The following DAB1 variants were observed in gnomAD, a reference collection of about 807,000 sequenced individuals.
The protein encoded by DAB1 is DAB adaptor protein 1.
Under a neutral mutation model 64.6 loss-of-function variants are expected in DAB1, and 15 were observed. That is an observed-to-expected ratio of 0.23 (90% CI 0.16 to 0.36). The LOEUF (loss-of-function observed/expected upper bound fraction) is 0.36. Among genes scored for constraint, DAB1 ranks in the 10% least tolerant of loss-of-function variants. The probability of loss-of-function intolerance (pLI) is 1.00; values close to 1 mark genes in which losing one functional copy is unlikely to be tolerated. For synonymous variants in DAB1, 235 were observed against 251.9 expected (o/e 0.93, Z 0.64); for missense variants, 596 against 706.7 (o/e 0.84, Z 1.78).
chr1:57,372,432 A>T (rs891227918), intron 1 of DAB1, among the ~76,000 whole-genome samples: 66 of 152,222 alleles, frequency 4.3e-4, no homozygotes, highest in African/African-American at 1.5e-3. Flanking sequence ...GGCATCAGAC[A>T]ATCAATATTC....
chr1:57,776,792 T>C (rs1649821412), intron 6 of DAB1, among the ~76,000 whole-genome samples: 1 of 151,834 alleles, frequency 6.6e-6, no homozygotes, highest in Non-Finnish European at 1.5e-5. Flanking sequence ...TGTTGCAAAC[T>C]CCACAACACA....
intron 3 of DAB1, among the ~76,000 whole-genome samples, chr1:58,365,411 C>T (rs986667860): frequency 2.0e-5 from 3 of 152,182 alleles, no homozygotes; most frequent in Admixed American, 2.0e-4. Flanking sequence ...TTTTAGGCTC[C>T]ACTTCAGATG....
At chr1:57,511,261 A>G (rs1644402156) in intron 7 of DAB1, among the ~76,000 whole-genome samples, 1 of 152,210 alleles carries the variant, frequency 6.6e-6, no homozygotes, top group Non-Finnish European at 1.5e-5. Flanking sequence ...ATAACAAAAC[A>G]AAACAAAAAC....
intron 1 of DAB1, among the ~76,000 whole-genome samples, chr1:57,391,061 C>A (rs569770833): frequency 3.3e-5 from 5 of 152,300 alleles, no homozygotes; most frequent in African/African-American, 1.2e-4. Context: ...CCTCACACAG[C>A]CAGCCAGGGA....
At chr1:58,475,613 C>T (rs1645411266) in intron 3 of DAB1, among the ~76,000 whole-genome samples, 1 of 152,106 alleles carries the variant, frequency 6.6e-6, no homozygotes, top group Non-Finnish European at 1.5e-5. Flanking sequence ...CAGAGCCAAA[C>T]TTTTGGAAGT....
intron 5 of DAB1, among the ~76,000 whole-genome samples, chr1:57,890,464 T>TG (rs1342930613): frequency 6.7e-6 from 1 of 150,176 alleles, no homozygotes; most frequent in Non-Finnish European, 1.5e-5. Context: ...TTCTTTTTTT[T>TG]TTTTTTCTTT....
At chr1:57,213,894 T>G (rs927088308) in intron 2 of DAB1, among the ~76,000 whole-genome samples, 1 of 152,238 alleles carries the variant, frequency 6.6e-6, no homozygotes, top group Non-Finnish European at 1.5e-5. Flanking sequence ...TCATTAAGCA[T>G]GTACTTAGGC....
At chr1:57,020,588 A>G (rs538889230) in intron 11 of DAB1, among the ~76,000 whole-genome samples, 1 of 152,308 alleles carries the variant, frequency 6.6e-6, no homozygotes, top group South Asian at 2.1e-4. Flanking sequence ...ACTTTATTAC[A>G]GGCACTAATT....
chr1:57,606,529 A>ATATAATATATTATAT (rs1558535224), intron 7 of DAB1, among the ~76,000 whole-genome samples: 1 of 88,590 alleles, frequency 1.1e-5, no homozygotes, highest in Non-Finnish European at 2.3e-5. Context: ...ATAATATATA[A>ATATAATATATTATAT]TATATATGAA....
At chr1:57,860,077 G>C (rs1441528914) in intron 1 of DAB1, among the ~76,000 whole-genome samples, 2 of 152,182 alleles carry the variant, frequency 1.3e-5, no homozygotes, top group Non-Finnish European at 2.9e-5. Context: ...GAGAGGTTAA[G>C]AGACCTCCTT....
intron 3 of DAB1, chr1:58,481,322 G>GGGTT (rs1557434314): frequency 2.9e-5 from 11 of 382,132 alleles, no homozygotes; most frequent in African/African-American, 6.3e-5. Flanking sequence ...ACACATAAAA[G>GGGTT]AGAACCACTG....
intron 5 of DAB1, among the ~76,000 whole-genome samples, chr1:58,111,821 C>T (rs1405146593): frequency 6.6e-6 from 1 of 152,116 alleles, no homozygotes; most frequent in Non-Finnish European, 1.5e-5. Context: ...CCATGGTTCC[C>T]TTCTTGCTCT....
chr1:57,088,492 A>G (rs1364242062), intron 4 of DAB1, among the ~76,000 whole-genome samples: 1 of 152,328 alleles, frequency 6.6e-6, no homozygotes, highest in Non-Finnish European at 1.5e-5. Context: ...GTTTCAGCCA[A>G]CACCTGAAGA....
intron 7 of DAB1, among the ~76,000 whole-genome samples, chr1:57,559,116 A>G (rs926890156): frequency 2.0e-5 from 3 of 152,196 alleles, no homozygotes; most frequent in Admixed American, 1.3e-4. Flanking sequence ...TAGCTACTGT[A>G]ATGGACAGCA....
At chr1:58,535,468 C>T (rs562724515) in intron 1 of DAB1, among the ~76,000 whole-genome samples, 7 of 151,852 alleles carry the variant, frequency 4.6e-5, no homozygotes, top group Admixed American at 2.6e-4. Context: ...TGGTGGCGCA[C>T]GCCTGTAGTC....
intron 1 of DAB1, among the ~76,000 whole-genome samples, chr1:57,334,000 A>G (rs1676883316): frequency 6.6e-6 from 1 of 152,206 alleles, no homozygotes; most frequent in African/African-American, 2.4e-5. Flanking sequence ...AGGAAGTGGT[A>G]CAATTGAAGC....
At chr1:57,063,172 G>A (rs776142048) in intron 8 of DAB1, among the ~76,000 whole-genome samples, 12 of 151,984 alleles carry the variant, frequency 7.9e-5, no homozygotes, top group East Asian at 5.8e-4. Context: ...TTTATAGGTC[G>A]TCTCTGCCAT....
chr1:57,966,289 G>A (rs1557583928), intron 5 of DAB1, among the ~76,000 whole-genome samples: 1 of 152,122 alleles, frequency 6.6e-6, no homozygotes, highest in South Asian at 2.1e-4. Context: ...GGCTAGACTT[G>A]CACTTGTTTT....
At chr1:57,486,162 G>A (rs537757508) in intron 7 of DAB1, among the ~76,000 whole-genome samples, 19 of 152,238 alleles carry the variant, frequency 1.2e-4, no homozygotes, top group African/African-American at 1.9e-4. Context: ...TAAATTATGC[G>A]CTCCCAAAAC....
Sources: allele counts gnomAD v4.1 joint callset (sites outside exome capture counted in the v4.1 genomes callset), GRCh38; gene constraint gnomAD v4.1.1; transcripts MANE v1.5; gene names NCBI Gene and HGNC (gene_info 2026-07-23, HGNC 2026-07-21).